Variants in ALDH1L1 observed in about 807,000 individuals in gnomAD.
ALDH1L1 encodes aldehyde dehydrogenase 1 family member L1.
A neutral mutation model predicts 101.1 loss-of-function variants in ALDH1L1; 68 were observed. The observed-to-expected ratio is 0.67, with a 90% CI of 0.55 to 0.82. The LOEUF is 0.82. Among genes scored for constraint, ALDH1L1 ranks in the 40% least tolerant of loss-of-function variants. The pLI is 0.00. For missense variants in ALDH1L1, 1,087 were observed against 1,172.7 expected, an observed-to-expected ratio of 0.93 and a Z score of 1.07; for synonymous variants, 486 against 470.8, an observed-to-expected ratio of 1.03 and a Z score of -0.42.
chr3:126,118,026 A>G lies in ALDH1L1; in HGVS notation c.1961T>C (p.Val654Ala). ...GCACCTTTTCATGATGTGCTTGCCC[A>G]CCTCTGTGGAGCCTGTGAACCCGAT... ...RKIGFTGSTEVGKHIMKSCAI... is the reference protein window; with the variant it reads ...RKIGFTGSTEAGKHIMKSCAI... Residue 654 changes from valine (V) to alanine (A), a missense_variant, in exon 17 of 23, where the codon GTG becomes GCG. By Grantham distance (64) the Val-to-Ala change is moderately conservative. Coordinates refer to ENST00000393434, the MANE Select transcript of ALDH1L1 (RefSeq NM_012190.4). The G allele has an allele frequency of 6.2e-7, 1 of 1,613,342 alleles. No individual in the cohort carries two copies. Among genetic ancestry groups the G allele is most frequent in the Non-Finnish European group, 8.5e-7 (1 of 1,179,758 alleles).
intron 21 of ALDH1L1, among the ~76,000 whole-genome samples, chr3:126,106,660 C>T (rs749150096): frequency 1.8e-4 from 27 of 152,198 alleles, no homozygotes; most frequent in South Asian, 1.0e-3. Context: ...GAGGCTGCCA[C>T]GCGGAGGAAG....
At chr3:126,137,386 C>A (rs1394683810) in intron 10 of ALDH1L1, among the ~76,000 whole-genome samples, 3 of 152,224 alleles carry the variant, frequency 2.0e-5, no homozygotes, top group Admixed American at 1.3e-4. Context: ...ACAAACTATG[C>A]TAAAGCCCAT....
upstream of ALDH1L1, among the ~76,000 whole-genome samples, chr3:126,182,139 T>C (rs2081480964): frequency 6.6e-6 from 1 of 151,746 alleles, no homozygotes; most frequent in Non-Finnish European, 1.5e-5. Flanking sequence ...TGAACCTCTC[T>C]CAACTTTATT....
At chr3:126,154,258 C>T (rs532079375) in intron 6 of ALDH1L1, among the ~76,000 whole-genome samples, 5 of 152,274 alleles carry the variant, frequency 3.3e-5, no homozygotes, top group South Asian at 4.1e-4. Flanking sequence ...CTGGGGTCTC[C>T]GCAAGCCCAG....
chr3:126,143,658 G>A (rs2080614037), intron 9 of ALDH1L1, among the ~76,000 whole-genome samples: 1 of 152,226 alleles, frequency 6.6e-6, no homozygotes, highest in Non-Finnish European at 1.5e-5. Context: ...GATCTTACAT[G>A]TAGAAATCTT....
intron 1 of ALDH1L1, among the ~76,000 whole-genome samples, chr3:126,179,195 C>T (rs2081424036): frequency 6.6e-6 from 1 of 152,254 alleles, no homozygotes; most frequent in Non-Finnish European, 1.5e-5. Context: ...CGCTCAGTGT[C>T]CTTTCACTTG....
At chr3:126,163,032 G>GT (rs1559967345) in intron 1 of ALDH1L1, among the ~76,000 whole-genome samples, 1 of 152,166 alleles carries the variant, frequency 6.6e-6, no homozygotes, top group Non-Finnish European at 1.5e-5. Flanking sequence ...GCTTAAAAAT[G>GT]TTTTTTGTTG....
intron 16 of ALDH1L1, among the ~76,000 whole-genome samples, chr3:126,122,962 T>C (rs1400385429): frequency 3.9e-5 from 6 of 152,162 alleles, no homozygotes; most frequent in African/African-American, 9.7e-5. Context: ...ACCCACTGTA[T>C]CAATATTTAA....
At chr3:126,126,739 C>T (rs773641672) in intron 14 of ALDH1L1, among the ~76,000 whole-genome samples, 16 of 152,206 alleles carry the variant, frequency 1.1e-4, no homozygotes, top group Non-Finnish European at 2.2e-4. Context: ...TGAATTGTGC[C>T]CCCACTCCCC....
intron 22 of ALDH1L1, chr3:126,104,768 G>A: frequency 6.5e-6 from 1 of 152,834 alleles, no homozygotes; most frequent in Non-Finnish European, 1.5e-5. Context: ...CTTGAAAGAT[G>A]GGGGCAGGGG....
At chr3:126,195,965 G>C (rs1042685971) in intron 1 of ALDH1L1, among the ~76,000 whole-genome samples, 1 of 152,168 alleles carries the variant, frequency 6.6e-6, no homozygotes, top group Non-Finnish European at 1.5e-5. Flanking sequence ...CCTGTCATGG[G>C]GTGGGGGAAG....
At chr3:126,161,128 G>A in intron 1 of ALDH1L1, 126 bp from the exon 2 acceptor site, 1 of 1,136,380 alleles carries the variant, frequency 8.8e-7, no homozygotes, top group Non-Finnish European at 1.2e-6. Context: ...TGGCTCTGTG[G>A]GTGGCAGGCC....
intron 22 of ALDH1L1, chr3:126,105,052 G>C (rs567254930): frequency 3.7e-5 from 6 of 163,450 alleles, no homozygotes; most frequent in Admixed American, 2.8e-4. Context: ...AGCAGGCAGA[G>C]CACTGGGGAG....
intron 9 of ALDH1L1, among the ~76,000 whole-genome samples, chr3:126,143,587 A>G (rs2080611729): frequency 6.6e-6 from 1 of 152,228 alleles, no homozygotes; most frequent in Non-Finnish European, 1.5e-5. Context: ...TTAGGCAAGA[A>G]AGAAACATTA....
At chr3:126,151,415 G>A (rs2080804832) in intron 7 of ALDH1L1, 1 of 152,214 alleles carries the variant, frequency 6.6e-6, no homozygotes, top group Non-Finnish European at 1.5e-5. Context: ...AGTTCAAGGG[G>A]ATTCTGGCTG....
intron 11 of ALDH1L1, among the ~76,000 whole-genome samples, chr3:126,136,168 A>G (rs1030331377): frequency 1.3e-5 from 2 of 152,134 alleles, no homozygotes; most frequent in African/African-American, 4.8e-5. Flanking sequence ...ACTCCTCTCA[A>G]ATGACTCATT....
intron 8 of ALDH1L1, among the ~76,000 whole-genome samples, chr3:126,149,248 C>T (rs2080760137): frequency 1.3e-5 from 2 of 152,260 alleles, no homozygotes; most frequent in East Asian, 3.8e-4. Flanking sequence ...TACTGAGTTC[C>T]TCAAAGATGC....
intron 14 of ALDH1L1, among the ~76,000 whole-genome samples, chr3:126,128,043 T>C (rs2080223677): frequency 6.6e-6 from 1 of 151,956 alleles, no homozygotes; most frequent in African/African-American, 2.4e-5. Flanking sequence ...GTGGAGGGCC[T>C]GGGATCCGTG....
intron 14 of ALDH1L1, 144 bp from the exon 15 acceptor site, chr3:126,125,865 G>T: frequency 1.9e-6 from 1 of 531,592 alleles, no homozygotes. Flanking sequence ...CCCTCTGAGA[G>T]GCAGCTCACG....
Sources: allele counts gnomAD v4.1 joint callset (sites outside exome capture counted in the v4.1 genomes callset), GRCh38; gene constraint gnomAD v4.1.1; transcripts MANE v1.5; gene names NCBI Gene and HGNC (gene_info 2026-07-23, HGNC 2026-07-21).